Variants in DHX8 observed in about 807,000 individuals in gnomAD.
The protein encoded by DHX8 is ATP-dependent RNA helicase DHX8.
A neutral mutation model predicts 140.7 loss-of-function variants in DHX8; 67 were observed. That is an observed-to-expected ratio of 0.48 (90% CI 0.39 to 0.58). The LOEUF (loss-of-function observed/expected upper bound fraction) is 0.58, where lower values mean the gene tolerates loss of function less well. Among genes scored for constraint, DHX8 ranks in the 20% least tolerant of loss-of-function variants. DHX8 has a pLI of 0.00. For missense variants in DHX8, 887 were observed against 1,550.7 expected (o/e 0.57, Z 7.19); for synonymous variants, 533 against 553.2 (o/e 0.96, Z 0.51).
intron 2 of DHX8, chr17:43,533,407 C>G: frequency 1.3e-6 from 2 of 1,508,820 alleles, no homozygotes; most frequent in Non-Finnish European, 1.8e-6. Flanking sequence ...CATCTTTGAA[C>G]CCTTCATTCC....
intron 1 of DHX8, among the ~76,000 whole-genome samples, chr17:43,486,154 G>A (rs1033719205): frequency 1.3e-5 from 2 of 149,594 alleles, no homozygotes; most frequent in African/African-American, 4.9e-5. Context: ...TCACATCACT[G>A]CACTCCAGCC....
intron 18 of DHX8, chr17:43,519,802 A>G (rs760910083): frequency 3.0e-5 from 6 of 201,244 alleles, no homozygotes; most frequent in Non-Finnish European, 6.1e-5. Flanking sequence ...TTAGCTGGGC[A>G]TGATGGCGGG....
rs1968631667 is a variant in DHX8, at chr17:43,493,038, A to G, written c.861A>G (p.Leu287=). 3 of 1,612,494 alleles carry G rather than the reference A, an allele frequency of 1.9e-6. No homozygotes were observed. In the South Asian group the frequency reaches 3.3e-5, roughly 18 times the overall value. ...QFGCFVQLEG[L]RKRWEGLVHI... ...GTTGCTTTGTGCAGCTGGAAGGACT[A>G]AGGTAATGACTGGTGCTCTTTTGTT... Residue 287 remains leucine (L), a splice_region_variant and synonymous_variant, in exon 6 of 23, where the codon CTA becomes CTG. Coordinates refer to ENST00000262415, the MANE Select transcript of DHX8 (RefSeq NM_004941.3).
intron 13 of DHX8, 94 bp downstream of exon 13, chr17:43,507,291 T>C: frequency 7.2e-7 from 1 of 1,398,320 alleles, no homozygotes; most frequent in Non-Finnish European, 9.7e-7. Flanking sequence ...ACTGCCTTTT[T>C]TCAGGTTTCT....
chr17:43,517,066 T>G, intron 17 of DHX8, 101 bp from the exon 18 acceptor site: 1 of 1,279,564 alleles, frequency 7.8e-7, no homozygotes, highest in Non-Finnish European at 1.0e-6. Context: ...CCATTTCTGA[T>G]TTTGCCAGTT....
At chr17:43,502,579 C>T (rs1026361681) in intron 11 of DHX8, among the ~76,000 whole-genome samples, 1 of 152,000 alleles carries the variant, frequency 6.6e-6, no homozygotes, top group Non-Finnish European at 1.5e-5. Flanking sequence ...ACCGCCACCA[C>T]GCACGAGTAA....
downstream of DHX8, chr17:43,526,320 G>A (rs1466487383): frequency 6.3e-6 from 9 of 1,423,460 alleles, no homozygotes; most frequent in South Asian, 6.0e-5. Flanking sequence ...CCCACCCCGC[G>A]AGAACCAAGC....
intron 9 of DHX8, among the ~76,000 whole-genome samples, chr17:43,497,312 T>C (rs1054464388): frequency 1.3e-5 from 2 of 152,232 alleles, no homozygotes; most frequent in Non-Finnish European, 2.9e-5. Flanking sequence ...ATATAAATTG[T>C]CTATAATTTA....
chr17:43,491,255 T>G lies in DHX8; in HGVS notation c.393+5T>G. On this transcript the variant is annotated splice_donor_5th_base_variant and intron_variant, in intron 4 of 22. Coordinates refer to ENST00000262415, the MANE Select transcript of DHX8 (RefSeq NM_004941.3). ...CCGGACAACCCTTCTGTTCGGGTAC[T>G]GATACCATTTTAAGAGTGTCTACTA... 6.7e-7 allele frequency: 1 copy of G among 1,484,732 alleles called. No homozygotes were observed. Among genetic ancestry groups the G allele is most frequent in the Non-Finnish European group, 9.0e-7 (1 of 1,105,676 alleles). The allele number at this position is 1,484,732 out of a possible 1,614,324, so 92.0% of individuals were successfully genotyped here.
chr17:43,536,238 A>T, intron 2 of DHX8: 1 of 651,280 alleles, frequency 1.5e-6, no homozygotes, highest in Non-Finnish European at 2.8e-6. Context: ...CTAAGGTCAC[A>T]CAGCAAGAAC....
At chr17:43,538,673 T>C (rs769134975) in intron 3 of DHX8, among the ~76,000 whole-genome samples, 8 of 152,176 alleles carry the variant, frequency 5.3e-5, no homozygotes, top group Non-Finnish European at 1.2e-4. Context: ...TTGGCCCACT[T>C]TTGCCCCTCT....
chr17:43,513,284 T>C (rs538409833), intron 16 of DHX8, 78 bp from the exon 17 acceptor site: 4 of 1,477,828 alleles, frequency 2.7e-6, no homozygotes, highest in South Asian at 2.6e-5. Context: ...TGGGAAGATA[T>C]CTGGGTTCAG....
intron 9 of DHX8, 41 bp from the exon 10 acceptor site, chr17:43,498,821 T>G (rs777056607): frequency 6.7e-7 from 1 of 1,499,272 alleles, no homozygotes; most frequent in Non-Finnish European, 9.1e-7. Context: ...TTGTTATTTT[T>G]TCTTGTTTAT....
chr17:43,535,131 G>A (rs987288525), intron 2 of DHX8, among the ~76,000 whole-genome samples: 2 of 152,150 alleles, frequency 1.3e-5, no homozygotes, highest in African/African-American at 2.4e-5. Context: ...GTTCCAAGCC[G>A]GTGTGAGATT....
rs768682955 is a variant in DHX8 at position 43,508,315 on chromosome 17, A to G, written c.2321-24A>G. The G allele has an allele frequency of 8.8e-6, 14 of 1,597,692 alleles. No individual in the cohort carries two copies. In the South Asian group the frequency reaches 1.3e-4, roughly 14 times the overall value. ...ACACACATACACACACAGAAAGTAGATGAATGTTCTATTCTGCTCGTAGGT... is the reference window on the plus strand; with the variant it reads ...ACACACATACACACACAGAAAGTAGGTGAATGTTCTATTCTGCTCGTAGGT... On this transcript the variant is annotated intron_variant, in intron 15 of 22. Coordinates refer to ENST00000262415, the MANE Select transcript of DHX8 (RefSeq NM_004941.3).
rs1297497402 is a variant in DHX8, at chr17:43,521,431, C to T, written c.3129C>T (p.Leu1043=). The change falls in exon 21 of 23, where the codon CTC becomes CTT. Residue 1043 remains leucine, a synonymous_variant. Transcript: ENST00000262415. ...AKFHQTEGDH[L]TLLAVYNSWK... ...TCCACCAGACTGAAGGGGACCACCT[C>T]ACCCTGCTAGCTGTGTACAACTCCT... 1 of 1,613,996 alleles carries T rather than the reference C, an allele frequency of 6.2e-7. No individual in the cohort carries two copies. Among genetic ancestry groups the T allele is most frequent in the Non-Finnish European group, 8.5e-7 (1 of 1,179,988 alleles).
In DHX8 at chr17:43,543,097, C is replaced by T. The variant is rs981707779; in HGVS notation, c.*21-1065C>T. 9.2e-5 allele frequency among the ~76,000 whole-genome samples: 14 copies of T among 152,094 alleles called. No homozygotes were observed. The South Asian group carries it at 2.1e-3, about 23-fold the overall frequency. ...GAGCGATCGGCCTCAGCATCCCCCCCTCAGACCTGGCCATCCATCACCAGC... is the reference window on the plus strand; with the variant it reads ...GAGCGATCGGCCTCAGCATCCCCCCTTCAGACCTGGCCATCCATCACCAGC... On this transcript the variant is annotated intron_variant, in intron 3 of 3. Coordinates refer to the DHX8 transcript ENST00000589898.
downstream of DHX8, chr17:43,529,280 A>G (rs760058591): frequency 6.3e-7 from 1 of 1,590,398 alleles, no homozygotes; most frequent in East Asian, 2.2e-5. Flanking sequence ...ACCTTGGCAG[A>G]GGAAAAAATG....
At chr17:43,516,053 C>G (rs1290274111) in intron 17 of DHX8, among the ~76,000 whole-genome samples, 1 of 152,030 alleles carries the variant, frequency 6.6e-6, no homozygotes, top group African/African-American at 2.4e-5. Context: ...AAAATTTACC[C>G]ACCATCCTAC....
Sources: allele counts gnomAD v4.1 joint callset (sites outside exome capture counted in the v4.1 genomes callset), GRCh38; gene constraint gnomAD v4.1.1; transcripts MANE v1.5; gene names NCBI Gene and HGNC (gene_info 2026-07-23, HGNC 2026-07-21).